C2orf74: variants seen among roughly 807,000 people sequenced by gnomAD.
C2orf74 encodes the protein uncharacterized protein C2orf74.
C2orf74 carries 14 observed loss-of-function variants against 17.9 expected under a neutral mutation model. That is an observed-to-expected ratio of 0.78 (90% CI 0.52 to 1.22). C2orf74 has a LOEUF of 1.22. C2orf74 is among the 50% of genes most tolerant of loss of function. C2orf74 has a pLI of 0.00. For missense variants in C2orf74, 217 were observed against 218.4 expected, an observed-to-expected ratio of 0.99 and a Z score of 0.04; for synonymous variants, 79 against 72.6, an observed-to-expected ratio of 1.09 and a Z score of -0.44.
chr2:61,153,536 C>T (rs1479780691), intron 1 of C2orf74, among the ~76,000 whole-genome samples: 1 of 150,752 alleles, frequency 6.6e-6, no homozygotes, highest in African/African-American at 2.4e-5. Context: ...CCCGCCTTGG[C>T]CTCCCAAAGT....
At chr2:61,158,091 A>C (rs1268460965), upstream of C2orf74, 8 of 444,406 alleles carry the variant, frequency 1.8e-5, no homozygotes, top group Non-Finnish European at 3.7e-5. Context: ...CCAGGAGCAC[A>C]AGAAAAGCCC....
chr2:61,156,623 C>T (rs1386573751), intron 1 of C2orf74, among the ~76,000 whole-genome samples: 1 of 152,144 alleles, frequency 6.6e-6, no homozygotes, highest in Non-Finnish European at 1.5e-5. Context: ...GTGGCTCATG[C>T]CTGTAATCCT....
chr2:61,162,649 C>T, intron 2 of C2orf74, 40 bp downstream of exon 2: 1 of 1,278,536 alleles, frequency 7.8e-7, no homozygotes, highest in Middle Eastern at 1.8e-4. Flanking sequence ...GATTTCAAGT[C>T]ACATTAGCAA....
chr2:61,146,318 G>T (rs954638230), intron 1 of C2orf74, among the ~76,000 whole-genome samples: 3 of 152,058 alleles, frequency 2.0e-5, no homozygotes, highest in Non-Finnish European at 4.4e-5. Context: ...GTGTAGAAAA[G>T]GATAAATGAG....
At chr2:61,152,324 G>A (rs1685253302) in intron 1 of C2orf74, among the ~76,000 whole-genome samples, 3 of 140,034 alleles carry the variant, frequency 2.1e-5, no homozygotes, top group African/African-American at 5.3e-5. Context: ...GGCAGATCAC[G>A]AGGTCAGGAG....
At chr2:61,150,219 G>GTT (rs1262974120) in intron 1 of C2orf74, among the ~76,000 whole-genome samples, 1 of 152,168 alleles carries the variant, frequency 6.6e-6, no homozygotes, top group East Asian at 1.9e-4. Flanking sequence ...TCTGATCCAA[G>GTT]TTCTGTGCCC....
At position 61,162,300 on chromosome 2, in the gene C2orf74, T is replaced by C. The variant is rs1453292280; in HGVS notation, c.-120T>C. On this transcript the variant is annotated 5_prime_UTR_variant, in exon 1 of 5. Coordinates refer to ENST00000432605, the MANE Select transcript of C2orf74 (RefSeq NM_001143959.4). Reference sequence around the variant, plus strand: ...TGGCCACCTCAGCCCCCACCACAGTTATGGAGAGAAATTAGCCAGTGTGAG... The same window carrying C: ...TGGCCACCTCAGCCCCCACCACAGTCATGGAGAGAAATTAGCCAGTGTGAG... The C allele has an allele frequency of 1.2e-5, 7 of 579,350 alleles. No individual in the cohort carries two copies. The highest frequency in any genetic ancestry group is 1.5e-5 in the Non-Finnish European group (5 of 329,946). 35.9% of individuals were successfully genotyped at this position (579,350 alleles called of 1,614,324 possible). A position where few individuals can be genotyped will look rare whatever the true frequency, so the allele number is the denominator to read the frequency against.
chr2:61,164,047 TCA>T (rs528757385), intron 4 of C2orf74, among the ~76,000 whole-genome samples: 173 of 152,134 alleles, frequency 1.1e-3, no homozygotes, highest in Middle Eastern at 3.4e-3. Flanking sequence ...CACGAACAAC[TCA>T]CATACCCTCC....
upstream of C2orf74, chr2:61,161,846 G>T (rs1428765024): frequency 6.6e-6 from 1 of 152,320 alleles, no homozygotes; most frequent in African/African-American, 2.4e-5. Flanking sequence ...TTGAGCTCAG[G>T]GCTATAGAGA....
chr2:61,156,948 A>C (rs1685409206), intron 1 of C2orf74, among the ~76,000 whole-genome samples: 1 of 152,170 alleles, frequency 6.6e-6, no homozygotes, highest in African/African-American at 2.4e-5. Context: ...GTTGCAGACC[A>C]ATGACAATTT....
chr2:61,148,260 T>C (rs1303440811), intron 1 of C2orf74, among the ~76,000 whole-genome samples: 1 of 149,878 alleles, frequency 6.7e-6, no homozygotes, highest in Non-Finnish European at 1.5e-5. Flanking sequence ...CATCTCGGCT[T>C]ACTGCAACCT....
At chr2:61,160,697 C>A (rs1178598108), upstream of C2orf74, among the ~76,000 whole-genome samples, 1 of 151,516 alleles carries the variant, frequency 6.6e-6, no homozygotes, top group African/African-American at 2.4e-5. Context: ...TTAGTAGAGA[C>A]CAGGCTGGTC....
Position 61,162,545 on chromosome 2 carries a change from TTCA to T in C2orf74, c.37_39del (p.Ile13del), listed in dbSNP as rs1325852071. 1 of 1,551,798 alleles carries T rather than the reference TTCA, an allele frequency of 6.4e-7. No homozygotes were observed. Among genetic ancestry groups the T allele is most frequent in the Non-Finnish European group, 8.7e-7 (1 of 1,146,970 alleles). ...CTTTGAAACCACAGCAATCACTTTC[TTCA>T]TCATCCTTCTAATTTGCCTCATTTG... On this transcript the variant is annotated inframe_deletion, in exon 2 of 5. Transcript: ENST00000432605.
intron 1 of C2orf74, among the ~76,000 whole-genome samples, chr2:61,148,224 T>C (rs1189259145): frequency 6.6e-6 from 1 of 150,754 alleles, no homozygotes; most frequent in East Asian, 1.9e-4. Flanking sequence ...TTCGCTCTTG[T>C]TGCCCAAGCT....
chr2:61,150,919 G>T (rs1211082098), intron 1 of C2orf74, among the ~76,000 whole-genome samples: 1 of 152,146 alleles, frequency 6.6e-6, no homozygotes, highest in East Asian at 1.9e-4. Flanking sequence ...CTTGGCTCTG[G>T]ATTGGTTAGT....
At chr2:61,157,961 C>T, upstream of C2orf74, 2 of 471,246 alleles carry the variant, frequency 4.2e-6, no homozygotes, top group South Asian at 1.5e-5. Context: ...GATCCTGTCA[C>T]CACGAGTGGA....
chr2:61,147,890 C>G (rs1685115825), intron 1 of C2orf74, among the ~76,000 whole-genome samples: 1 of 151,888 alleles, frequency 6.6e-6, no homozygotes, highest in African/African-American at 2.4e-5. Flanking sequence ...GCCTCATCCT[C>G]CCGAGTAGCT....
upstream of C2orf74, among the ~76,000 whole-genome samples, chr2:61,160,562 G>A (rs1312054123): frequency 6.6e-6 from 1 of 151,516 alleles, no homozygotes; most frequent in Non-Finnish European, 1.5e-5. Context: ...AGGCTGGAGT[G>A]CAATGGCACG....
intron 4 of C2orf74, 26 bp from the exon 5 acceptor site, chr2:61,164,328 A>C (rs1443141639): frequency 3.4e-6 from 5 of 1,488,696 alleles, no homozygotes; most frequent in Admixed American, 4.9e-5. Context: ...TTATTTGTTT[A>C]TATTGTTTGT....
Sources: allele counts gnomAD v4.1 joint callset (sites outside exome capture counted in the v4.1 genomes callset), GRCh38; gene constraint gnomAD v4.1.1; transcripts MANE v1.5; gene names NCBI Gene and HGNC (gene_info 2026-07-23, HGNC 2026-07-21).